CNTNAP3B: variants seen among roughly 807,000 people sequenced by gnomAD.
CNTNAP3B encodes the protein contactin associated protein family member 3B, also known as contactin-associated protein-like 3B.
A neutral mutation model predicts 108.9 loss-of-function variants in CNTNAP3B; 25 were observed. The ratio of observed to expected loss-of-function variants is 0.23; its 90% CI spans 0.17 to 0.32. The LOEUF is 0.32. CNTNAP3B is among the 10% of genes least tolerant of loss of function. The pLI is 1.00. For synonymous variants in CNTNAP3B, 103 were observed against 473.4 expected (o/e 0.22, Z 10.16); for missense variants, 252 against 1,210.4 (o/e 0.21, Z 11.75).
chr9:41,934,190 T>TATATATACACACACACACACAC (rs1564148384), intron 14 of CNTNAP3B, among the ~76,000 whole-genome samples: 5 of 138,450 alleles, frequency 3.6e-5, no homozygotes, highest in South Asian at 2.1e-4. Flanking sequence ...CACACACACA[T>TATATATACACACACACACACAC]ATATATATAC....
At chr9:41,963,116 G>A (rs1204717941) in intron 11 of CNTNAP3B, among the ~76,000 whole-genome samples, 1 of 152,272 alleles carries the variant, frequency 6.6e-6, no homozygotes, top group Non-Finnish European at 1.5e-5. Flanking sequence ...TCAGGACTGG[G>A]AGCGCAGAAT....
chr9:41,925,467 C>T (rs1349292581), intron 15 of CNTNAP3B, among the ~76,000 whole-genome samples: 794 of 151,550 alleles, frequency 5.2e-3, no homozygotes, highest in Non-Finnish European at 8.6e-3. Context: ...GTGGTGGGTG[C>T]CTGTAGTCCC....
intron 17 of CNTNAP3B, among the ~76,000 whole-genome samples, chr9:41,921,126 G>T (rs1347596334): frequency 5.1e-4 from 78 of 152,226 alleles, no homozygotes; most frequent in African/African-American, 1.8e-3. Flanking sequence ...CCCCAAATCT[G>T]AACTATCAAT....
intron 14 of CNTNAP3B, among the ~76,000 whole-genome samples, chr9:41,936,012 A>G (rs893903171): frequency 2.0e-5 from 3 of 152,250 alleles, no homozygotes; most frequent in African/African-American, 7.2e-5. Context: ...TACTGCCCTA[A>G]GCATACGTGA....
intron 15 of CNTNAP3B, among the ~76,000 whole-genome samples, chr9:41,924,312 C>T (rs1256144594): frequency 1.3e-5 from 2 of 152,304 alleles, no homozygotes; most frequent in Non-Finnish European, 1.5e-5. Context: ...GAAGGCCAAA[C>T]AAAAGCGAAG....
chr9:42,017,005 C>A (rs1432977328), intron 3 of CNTNAP3B, among the ~76,000 whole-genome samples: 1 of 151,848 alleles, frequency 6.6e-6, no homozygotes, highest in African/African-American at 2.4e-5. Flanking sequence ...TCTTTGAGGG[C>A]ATTCTAGCTA....
chr9:41,968,692 T>C (rs1457575204), intron 10 of CNTNAP3B, among the ~76,000 whole-genome samples: 2 of 142,380 alleles, frequency 1.4e-5, no homozygotes, highest in Non-Finnish European at 3.1e-5. Flanking sequence ...TTAAAACCTG[T>C]TTAGCCAGAG....
chr9:41,920,026 G>T (rs1823625367), intron 18 of CNTNAP3B, 44 bp downstream of exon 18: 1 of 1,508,928 alleles, frequency 6.6e-7, no homozygotes, highest in Non-Finnish European at 9.0e-7. Flanking sequence ...TACTATTTAA[G>T]TTTCATGTAC....
intron 2 of CNTNAP3B, among the ~76,000 whole-genome samples, chr9:42,089,115 C>A (rs1382128428): frequency 1.3e-4 from 9 of 68,774 alleles, no homozygotes; most frequent in Non-Finnish European, 2.4e-4. Flanking sequence ...TTACTTGGGA[C>A]AAGGGTAATC....
intron 18 of CNTNAP3B, among the ~76,000 whole-genome samples, chr9:41,916,851 T>A (rs1439333041): frequency 6.7e-6 from 1 of 149,676 alleles, no homozygotes; most frequent in Non-Finnish European, 1.5e-5. Context: ...TTTTCTTTCA[T>A]CTCTTTGAAT....
intron 9 of CNTNAP3B, among the ~76,000 whole-genome samples, chr9:41,977,993 A>C (rs1327521094): frequency 7.7e-6 from 1 of 129,946 alleles, no homozygotes; most frequent in African/African-American, 3.1e-5. Context: ...GAAAAAAAAA[A>C]CAGTAAAATG....
At position 41,984,056 on chromosome 9, in the gene CNTNAP3B, A is replaced by C. The variant is rs1054656048; in HGVS notation, c.1477+2112T>G. Among the ~76,000 whole-genome samples the C allele has an allele frequency of 1.3e-4, 10 of 79,074 alleles. 3 individuals are homozygous for C. Among genetic ancestry groups the C allele is most frequent in the African/African-American group, 5.0e-4 (10 of 19,836 alleles). The allele number at this position is 79,074 out of a possible 152,430, so 51.9% of individuals were successfully genotyped here. ...ACACAGCGAGACTCCGCCTCAAAAA[A>C]TAAAAATAAATAAATAAATAAAAAT... On this transcript the variant is annotated intron_variant, in intron 9 of 23. Coordinates refer to ENST00000377561, the MANE Select transcript of CNTNAP3B (RefSeq NM_001201380.3).
intron 2 of CNTNAP3B, among the ~76,000 whole-genome samples, chr9:42,098,985 G>A (rs1306143674): frequency 1.5e-5 from 2 of 137,240 alleles, no homozygotes; most frequent in African/African-American, 5.8e-5. Context: ...CAGAGTCGTG[G>A]CTAGGTTGTG....
At chr9:41,958,554 T>C (rs1373952931) in intron 12 of CNTNAP3B, among the ~76,000 whole-genome samples, 1 of 151,946 alleles carries the variant, frequency 6.6e-6, no homozygotes, top group African/African-American at 2.4e-5. Context: ...AGTCCTGTGA[T>C]TAGGTCTGAG....
At chr9:42,042,986 A>AATCATC (rs572354695) in intron 3 of CNTNAP3B, among the ~76,000 whole-genome samples, 15 of 142,616 alleles carry the variant, frequency 1.1e-4, no homozygotes, top group Middle Eastern at 3.7e-3. Context: ...CTCAAATTCA[A>AATCATC]ATCATCATCA....
chr9:41,947,226 T>C (rs1824553886), intron 13 of CNTNAP3B, among the ~76,000 whole-genome samples: 1 of 151,400 alleles, frequency 6.6e-6, no homozygotes, highest in Non-Finnish European at 1.5e-5. Context: ...TTTTTTCAAA[T>C]GCCCATGAAA....
chr9:42,051,458 AG>A (rs1826957301), intron 3 of CNTNAP3B, among the ~76,000 whole-genome samples: 1 of 72,066 alleles, frequency 1.4e-5, no homozygotes. Context: ...TAAGGAATTT[AG>A]CTCAGATGAA....
At chr9:41,948,320 G>GA (rs1291278547) in intron 13 of CNTNAP3B, among the ~76,000 whole-genome samples, 2 of 152,098 alleles carry the variant, frequency 1.3e-5, no homozygotes, top group Non-Finnish European at 2.9e-5. Context: ...TCGAACTCCT[G>GA]ACCTCAAGTG....
chr9:41,973,198 C>T (rs1825457687), intron 9 of CNTNAP3B, among the ~76,000 whole-genome samples: 1 of 144,888 alleles, frequency 6.9e-6, no homozygotes, highest in South Asian at 2.4e-4. Flanking sequence ...CCACCTGCCT[C>T]AGCCTCCCAA....
Sources: gnomAD v4.1 joint callset for allele counts (sites outside exome capture counted in the v4.1 genomes callset) on GRCh38, gnomAD v4.1.1 for gene constraint, MANE v1.5 for transcripts, NCBI Gene and HGNC (gene_info 2026-07-23, HGNC 2026-07-21) for gene names.